Variants in FOXJ3 observed in about 807,000 individuals in gnomAD.
The protein encoded by FOXJ3 is forkhead box protein J3.
FOXJ3 carries 22 observed loss-of-function variants against 76.1 expected under a neutral mutation model. The ratio of observed to expected loss-of-function variants is 0.29; its 90% CI spans 0.21 to 0.41. The LOEUF is 0.41. Among genes scored for constraint, FOXJ3 ranks in the 10% least tolerant of loss-of-function variants. FOXJ3 has a pLI of 1.00. For synonymous variants in FOXJ3, 269 were observed against 261.2 expected, an observed-to-expected ratio of 1.03 and a Z score of -0.29; for missense variants, 613 against 762.1, an observed-to-expected ratio of 0.80 and a Z score of 2.30.
At chr1:42,291,763 A>G (rs1386761226) in intron 2 of FOXJ3, among the ~76,000 whole-genome samples, 1 of 152,168 alleles carries the variant, frequency 6.6e-6, no homozygotes, top group Admixed American at 6.5e-5. Context: ...CTGGGCAACA[A>G]AGCAAGATCC....
chr1:42,318,630 C>G (rs1208063236), intron 1 of FOXJ3, among the ~76,000 whole-genome samples: 1 of 152,176 alleles, frequency 6.6e-6, no homozygotes, highest in African/African-American at 2.4e-5. Flanking sequence ...CAGGCGTGAG[C>G]CACTGCACTC....
At chr1:42,325,268 T>A (rs751410085) in intron 1 of FOXJ3, among the ~76,000 whole-genome samples, 1 of 152,212 alleles carries the variant, frequency 6.6e-6, no homozygotes, top group African/African-American at 2.4e-5. Context: ...ATTTTCAGTA[T>A]TTTGCAATCA....
At chr1:42,311,028 G>GA (rs200511460) in intron 2 of FOXJ3, 22 bp downstream of exon 2, 146,539 of 1,032,074 alleles carry the variant, frequency 0.14, 488 homozygotes, top group East Asian at 0.2. Flanking sequence ...TTCTAATAAA[G>GA]AAAAAAAAAA....
chr1:42,305,981 A>T (rs1355401884), intron 2 of FOXJ3, among the ~76,000 whole-genome samples: 1 of 152,228 alleles, frequency 6.6e-6, no homozygotes, highest in African/African-American at 2.4e-5. Context: ...CCATAAATAT[A>T]CATTTTACCC....
At chr1:42,299,410 C>T (rs921641593) in intron 2 of FOXJ3, among the ~76,000 whole-genome samples, 5 of 149,832 alleles carry the variant, frequency 3.3e-5, no homozygotes, top group African/African-American at 9.8e-5. Context: ...TTATCTGATA[C>T]GAGAATGGAT....
At chr1:42,196,923 A>G (rs1228295801) in intron 7 of FOXJ3, among the ~76,000 whole-genome samples, 1 of 152,188 alleles carries the variant, frequency 6.6e-6, no homozygotes, top group Non-Finnish European at 1.5e-5. Flanking sequence ...TAAAATCATT[A>G]TATCTTTGCT....
intron 5 of FOXJ3, among the ~76,000 whole-genome samples, chr1:42,213,040 G>T (rs1646997390): frequency 6.7e-6 from 1 of 148,308 alleles, no homozygotes; most frequent in Non-Finnish European, 1.5e-5. Context: ...TGCTAAGGAA[G>T]CTTGTCAATA....
chr1:42,231,187 A>G (rs984179609), intron 4 of FOXJ3, among the ~76,000 whole-genome samples: 1 of 151,838 alleles, frequency 6.6e-6, no homozygotes, highest in Non-Finnish European at 1.5e-5. Context: ...TTAGCAGGGC[A>G]TGATGGCAGG....
At chr1:42,323,387 C>G (rs1477154834) in intron 1 of FOXJ3, among the ~76,000 whole-genome samples, 1 of 152,150 alleles carries the variant, frequency 6.6e-6, no homozygotes. Context: ...TATTAGCCAA[C>G]CACTCCTCCA....
intron 1 of FOXJ3, 134 bp downstream of exon 1, chr1:42,334,925 C>A (rs1156673623): frequency 1.3e-5 from 2 of 152,246 alleles, no homozygotes; most frequent in African/African-American, 4.8e-5. Flanking sequence ...CGCCGCCCAC[C>A]CCGCAACGCG....
At chr1:42,306,303 T>TC (rs1654465413) in intron 2 of FOXJ3, among the ~76,000 whole-genome samples, 1 of 130,110 alleles carries the variant, frequency 7.7e-6, no homozygotes, top group South Asian at 2.5e-4. Flanking sequence ...TTTTTCTTTT[T>TC]TTTTTTTTTT....
chr1:42,223,308 C>T (rs1647298506), intron 5 of FOXJ3, among the ~76,000 whole-genome samples: 1 of 152,178 alleles, frequency 6.6e-6, no homozygotes. Flanking sequence ...TATGTGAAGA[C>T]TATGTACCTT....
At chr1:42,227,746 G>A (rs1194947764) in intron 5 of FOXJ3, 137 bp downstream of exon 5, 1 of 444,504 alleles carries the variant, frequency 2.2e-6, no homozygotes, top group South Asian at 7.9e-5. Context: ...AAAGTGTTCT[G>A]AAAAATGTAA....
intron 2 of FOXJ3, among the ~76,000 whole-genome samples, chr1:42,296,837 A>T (rs1432925739): frequency 6.6e-6 from 1 of 152,198 alleles, no homozygotes; most frequent in African/African-American, 2.4e-5. Context: ...AATTCTGTGA[A>T]AACTGATGTT....
At chr1:42,234,651 T>G (rs1366605016) in intron 4 of FOXJ3, among the ~76,000 whole-genome samples, 1 of 152,178 alleles carries the variant, frequency 6.6e-6, no homozygotes, top group Non-Finnish European at 1.5e-5. Context: ...CTGTTAGAGT[T>G]TGCTGGAGGT....
At chr1:42,238,319 A>C (rs904818848) in intron 4 of FOXJ3, among the ~76,000 whole-genome samples, 1 of 152,092 alleles carries the variant, frequency 6.6e-6, no homozygotes, top group Non-Finnish European at 1.5e-5. Context: ...TGGCATGGCC[A>C]CCATGCCCAG....
rs757496760 is a variant in FOXJ3, at chr1:42,316,374, TTGTCCAAAC to T, written c.-17-5273_-17-5265del. Among the ~76,000 whole-genome samples the T allele has an allele frequency of 2.8e-3, 310 of 110,104 alleles. 1 individual carries two copies. The highest frequency in any genetic ancestry group is 4.7e-3 in the Admixed American group (36 of 7,650). 72.2% of individuals were successfully genotyped at this position (110,104 alleles called of 152,430 possible). Reference sequence around the variant, plus strand: ...TCTGTAGAAACAAGGTCTTGCTGTGTTGTCCAAACTGATGTCAAACTCCTGGCCTCAAAT... The same window carrying T: ...TCTGTAGAAACAAGGTCTTGCTGTGTTGATGTCAAACTCCTGGCCTCAAAT... On this transcript the variant is annotated intron_variant, in intron 1 of 12. Transcript: ENST00000361346.
chr1:42,295,972 G>A (rs1464521434), intron 2 of FOXJ3, among the ~76,000 whole-genome samples: 1 of 152,192 alleles, frequency 6.6e-6, no homozygotes, highest in East Asian at 1.9e-4. Context: ...CGTCAGCAGT[G>A]CGTAAGCACT....
intron 1 of FOXJ3, among the ~76,000 whole-genome samples, chr1:42,313,792 C>G (rs1265233466): frequency 6.6e-6 from 1 of 152,108 alleles, no homozygotes; most frequent in Non-Finnish European, 1.5e-5. Flanking sequence ...CACAGCAGAG[C>G]AGCTTTCTTT....
Sources: allele counts gnomAD v4.1 joint callset (sites outside exome capture counted in the v4.1 genomes callset), GRCh38; gene constraint gnomAD v4.1.1; transcripts MANE v1.5; gene names NCBI Gene and HGNC (gene_info 2026-07-23, HGNC 2026-07-21).